The following RYR3 variants were observed in gnomAD, a reference collection of about 807,000 sequenced individuals.
RYR3 encodes the protein ryanodine receptor 3, also known as brain ryanodine receptor-calcium release channel.
RYR3 carries 207 observed loss-of-function variants against 584.3 expected under a neutral mutation model. That is an observed-to-expected ratio of 0.35 (90% confidence interval 0.32 to 0.40). RYR3 has a LOEUF of 0.40. Ranked by LOEUF, RYR3 falls within the 10% of genes least tolerant of loss-of-function variation. The pLI is 1.00. For synonymous variants in RYR3, 2,416 were observed against 2,248.5 expected (o/e 1.07, Z -2.11); for missense variants, 5,616 against 6,089.2 (o/e 0.92, Z 2.59).
intron 1 of RYR3, among the ~76,000 whole-genome samples, chr15:33,376,187 G>A (rs1192540241): frequency 6.6e-6 from 1 of 152,118 alleles, no homozygotes; most frequent in East Asian, 1.9e-4. Context: ...GGTTTTATTT[G>A]ATCTGGCATT....
chr15:33,471,772 A>G (rs549818555), intron 1 of RYR3, among the ~76,000 whole-genome samples: 6 of 152,186 alleles, frequency 3.9e-5, no homozygotes, highest in African/African-American at 1.2e-4. Flanking sequence ...TTGGGTGTGA[A>G]AGGTAAGTTT....
rs147421493 is a variant in RYR3 at position 33,382,409 on chromosome 15, C to T, written c.51+71313C>T. Among the ~76,000 whole-genome samples the T allele has an allele frequency of 7.6e-5, 11 of 144,532 alleles. No individual in the cohort carries two copies. The East Asian group carries it at 8.1e-4, about 11-fold the overall frequency. The allele number at this position is 144,532 out of a possible 152,430, so 94.8% of individuals were successfully genotyped here. Reference sequence around the variant, plus strand: ...CACAGTCTTGGCTCACTGCAACTTCCGCCTCCTGGGTTCAAGCAATTCTCC... The same window carrying T: ...CACAGTCTTGGCTCACTGCAACTTCTGCCTCCTGGGTTCAAGCAATTCTCC... On this transcript the variant is annotated intron_variant, in intron 1 of 103. Transcript: ENST00000634891.
At position 33,384,942 on chromosome 15, in the gene RYR3, G is replaced by A. The variant is rs560604675; in HGVS notation, c.51+73846G>A. ...AACACTATAGCGGAAGCATTTAAAGGATAACTATGAAAGAAACAGTAAAAT... is the reference window on the plus strand; with the variant it reads ...AACACTATAGCGGAAGCATTTAAAGAATAACTATGAAAGAAACAGTAAAAT... On this transcript the variant is annotated intron_variant, in intron 1 of 103. Transcript: ENST00000634891. Among the ~76,000 whole-genome samples, 80 of 152,124 alleles carry A rather than the reference G, an allele frequency of 5.3e-4. 1 individual carries two copies. The highest frequency in any genetic ancestry group is 1.0e-3 in the Non-Finnish European group (69 of 68,018).
intron 3 of RYR3, among the ~76,000 whole-genome samples, chr15:33,511,702 C>A (rs952309362): frequency 3.3e-5 from 5 of 152,124 alleles, no homozygotes; most frequent in African/African-American, 1.2e-4. Context: ...GTTTGTTTTA[C>A]CACTGCTCTC....
chr15:33,436,501 CTTTT>C (rs34317660), intron 1 of RYR3, among the ~76,000 whole-genome samples: 1 of 135,908 alleles, frequency 7.4e-6, no homozygotes. Flanking sequence ...AAACCATATT[CTTTT>C]TTTTTTTTTT....
At chr15:33,365,411 GGGA>G (rs1975354532) in intron 1 of RYR3, among the ~76,000 whole-genome samples, 1 of 152,168 alleles carries the variant, frequency 6.6e-6, no homozygotes, top group African/African-American at 2.4e-5. Context: ...GGCAGAGGAA[GGGA>G]GGAGAAGTCA....
intron 77 of RYR3, 62 bp downstream of exon 77, chr15:33,819,869 C>A: frequency 1.5e-6 from 2 of 1,342,586 alleles, no homozygotes; most frequent in Non-Finnish European, 1.0e-6. Flanking sequence ...TTTCTTTAGG[C>A]GCATGAAAAT....
intron 14 of RYR3, among the ~76,000 whole-genome samples, chr15:33,583,680 G>A (rs2058700545): frequency 6.6e-6 from 1 of 152,196 alleles, no homozygotes; most frequent in Non-Finnish European, 1.5e-5. Flanking sequence ...ACCAGTTTGG[G>A]AGGCTGAGGT....
intron 5 of RYR3, among the ~76,000 whole-genome samples, chr15:33,536,687 G>A (rs545044978): frequency 8.5e-5 from 13 of 152,270 alleles, no homozygotes; most frequent in Non-Finnish European, 1.8e-4. Flanking sequence ...CAAATGTAGA[G>A]CTCAACCTCT....
chr15:33,479,033 C>T (rs2049703353), intron 2 of RYR3, among the ~76,000 whole-genome samples: 1 of 152,118 alleles, frequency 6.6e-6, no homozygotes, highest in African/African-American at 2.4e-5. Flanking sequence ...CTTGTTCAAA[C>T]TGAAAAATAC....
chr15:33,535,818 T>C (rs1442259629), intron 5 of RYR3, among the ~76,000 whole-genome samples: 1 of 152,214 alleles, frequency 6.6e-6, no homozygotes, highest in Admixed American at 6.5e-5. Flanking sequence ...TCAGACTAGG[T>C]GTGAATTCTG....
At position 33,550,883 on chromosome 15, in the gene RYR3, C is replaced by T. The variant is rs867194701; in HGVS notation, c.972+567C>T. On this transcript the variant is annotated intron_variant, in intron 10 of 103. Transcript: ENST00000634891. ...TGATAAAATTTACTAGTACCTTCCTCGTTCTTTTCCTTAACTATCCCTACT... is the reference window on the plus strand; with the variant it reads ...TGATAAAATTTACTAGTACCTTCCTTGTTCTTTTCCTTAACTATCCCTACT... Among the ~76,000 whole-genome samples the T allele has an allele frequency of 5.3e-5, 8 of 152,250 alleles. No individual in the cohort carries two copies. In the East Asian group the frequency reaches 5.8e-4, roughly 11 times the overall value.
intron 36 of RYR3, among the ~76,000 whole-genome samples, chr15:33,664,798 A>AG (rs2063402318): frequency 6.6e-6 from 1 of 152,026 alleles, no homozygotes; most frequent in Non-Finnish European, 1.5e-5. Flanking sequence ...TTGTCAATAT[A>AG]GTTACCACCA....
chr15:33,328,334 C>T (rs1018395313), intron 1 of RYR3, among the ~76,000 whole-genome samples: 1 of 152,158 alleles, frequency 6.6e-6, no homozygotes, highest in Non-Finnish European at 1.5e-5. Flanking sequence ...TCGTCTGTTC[C>T]TTTTCAAGCT....
intron 3 of RYR3, among the ~76,000 whole-genome samples, chr15:33,529,471 G>T (rs545749254): frequency 5.3e-5 from 8 of 152,268 alleles, no homozygotes; most frequent in Admixed American, 5.2e-4. Flanking sequence ...GGACACGGGA[G>T]ACGGGCAGAG....
chr15:33,623,723 T>G, intron 19 of RYR3, 84 bp from the exon 20 acceptor site: 1 of 953,620 alleles, frequency 1.0e-6, no homozygotes, highest in Admixed American at 2.2e-5. Flanking sequence ...GGGTGGGAGG[T>G]AGGGATTGAT....
Position 33,369,851 on chromosome 15 carries a change from T to C in RYR3, c.51+58755T>C, listed in dbSNP as rs531057522. Among the ~76,000 whole-genome samples the C allele has an allele frequency of 1.1e-3, 174 of 152,314 alleles. 1 individual carries two copies. The highest frequency in any genetic ancestry group is 1.9e-3 in the Non-Finnish European group (132 of 68,020). On this transcript the variant is annotated intron_variant, in intron 1 of 103. Coordinates refer to ENST00000634891, the MANE Select transcript of RYR3 (RefSeq NM_001036.6). ...TTCTGCCTTATGTGTTGGTTCTCTT[T>C]GTGAAATGTCTCTCTTCCAGACTTG...
chr15:33,755,083 G>A lies in RYR3; in HGVS notation c.8418G>A (p.Glu2806=). ...IIVSRGMKDM[E]LDASSMEKRF... The stretch of plus-strand genomic sequence containing the variant: ...AACGTAGGGGTATGAAGGATATGGA[G>A]CTGGATGCCTCCTCCATGGAGAAGA... The change falls in exon 58 of 104, where the codon GAG becomes GAA. Residue 2806 remains glutamate (E), a synonymous_variant. Transcript: ENST00000634891. The A allele has an allele frequency of 6.2e-7, 1 of 1,611,348 alleles. No homozygotes were observed. The highest frequency in any genetic ancestry group is 1.1e-5 in the South Asian group (1 of 90,644).
chr15:33,795,284 C>T (rs1238542423), intron 67 of RYR3, among the ~76,000 whole-genome samples: 1 of 152,058 alleles, frequency 6.6e-6, no homozygotes, highest in Non-Finnish European at 1.5e-5. Flanking sequence ...TAAGCAAGAA[C>T]CAGCTGTGGT....
Sources: allele counts gnomAD v4.1 joint callset (sites outside exome capture counted in the v4.1 genomes callset), GRCh38; gene constraint gnomAD v4.1.1; transcripts MANE v1.5; gene names NCBI Gene and HGNC (gene_info 2026-07-23, HGNC 2026-07-21).